Variants in KIF26B observed in about 807,000 individuals in gnomAD.
KIF26B encodes the protein kinesin-like protein KIF26B.
In KIF26B, 63 loss-of-function variants were observed where a neutral mutation model predicts 151.2. The ratio of observed to expected loss-of-function variants is 0.42; its 90% confidence interval spans 0.34 to 0.51. The LOEUF (loss-of-function observed/expected upper bound fraction) is 0.51, where lower values mean the gene tolerates loss of function less well. Ranked by LOEUF, KIF26B falls within the 20% of genes least tolerant of loss-of-function variation. KIF26B has a pLI of 0.07. For missense variants in KIF26B, 2,813 were observed against 2,913.6 expected, an observed-to-expected ratio of 0.97 and a Z score of 0.79; for synonymous variants, 1,357 against 1,262.1, an observed-to-expected ratio of 1.08 and a Z score of -1.59.
At chr1:245,568,658 C>T (rs1465493394) in intron 5 of KIF26B, among the ~76,000 whole-genome samples, 1 of 152,158 alleles carries the variant, frequency 6.6e-6, no homozygotes, top group Non-Finnish European at 1.5e-5. Flanking sequence ...TGGCCCTGGG[C>T]GTCACAGGGT....
chr1:245,654,721 A>G (rs993075072), intron 10 of KIF26B, among the ~76,000 whole-genome samples: 1 of 152,202 alleles, frequency 6.6e-6, no homozygotes, highest in Admixed American at 6.5e-5. Flanking sequence ...GTGGAGAACC[A>G]GACACTGGGC....
chr1:245,190,106 G>A (rs938941656), intron 2 of KIF26B, among the ~76,000 whole-genome samples: 12 of 151,872 alleles, frequency 7.9e-5, no homozygotes, highest in East Asian at 1.9e-4. Context: ...ATCAGATCTC[G>A]TGAGACTTAC....
At chr1:245,248,779 G>A (rs893154849) in intron 2 of KIF26B, among the ~76,000 whole-genome samples, 18 of 152,188 alleles carry the variant, frequency 1.2e-4, no homozygotes, top group African/African-American at 4.1e-4. Context: ...CAATATCTCT[G>A]ACATATATTC....
intron 14 of KIF26B, among the ~76,000 whole-genome samples, chr1:245,700,363 G>GTAAT (rs1438917398): frequency 6.6e-6 from 1 of 152,122 alleles, no homozygotes; most frequent in East Asian, 1.9e-4. Flanking sequence ...GGATCTGGTA[G>GTAAT]TAATTATTAC....
intron 2 of KIF26B, among the ~76,000 whole-genome samples, chr1:245,343,274 C>T (rs950426409): frequency 1.3e-5 from 2 of 151,906 alleles, no homozygotes. Context: ...AATGCATTTA[C>T]AGGAGGATCA....
At chr1:245,424,638 C>T (rs755748348) in intron 4 of KIF26B, among the ~76,000 whole-genome samples, 3 of 152,102 alleles carry the variant, frequency 2.0e-5, no homozygotes, top group African/African-American at 4.8e-5. Flanking sequence ...GGTCCACACA[C>T]GGTTACTGGT....
intron 2 of KIF26B, among the ~76,000 whole-genome samples, chr1:245,299,327 T>G (rs531719573): frequency 5.3e-5 from 8 of 149,980 alleles, no homozygotes; most frequent in East Asian, 1.9e-4. Flanking sequence ...TGGGTTTTTT[T>G]TTTTTTTTTT....
At chr1:245,638,199 A>T (rs1022943316) in intron 9 of KIF26B, among the ~76,000 whole-genome samples, 1 of 151,870 alleles carries the variant, frequency 6.6e-6, no homozygotes, top group African/African-American at 2.4e-5. Flanking sequence ...TTTCTTGTAG[A>T]GATCTTTCAC....
intron 2 of KIF26B, among the ~76,000 whole-genome samples, chr1:245,278,584 A>T (rs35294748): frequency 0.053 from 8,082 of 152,248 alleles, 253 homozygotes; most frequent in Middle Eastern, 0.088. Flanking sequence ...CATGCTTACT[A>T]AGTCTTAATT....
At chr1:245,664,865 C>G (rs1360557600) in intron 10 of KIF26B, among the ~76,000 whole-genome samples, 1 of 152,132 alleles carries the variant, frequency 6.6e-6, no homozygotes, top group Non-Finnish European at 1.5e-5. Context: ...TTCACATAAT[C>G]CAACTGCCTT....
chr1:245,407,065 GGT>G (rs1265014459), intron 3 of KIF26B, among the ~76,000 whole-genome samples: 4 of 152,178 alleles, frequency 2.6e-5, no homozygotes, highest in African/African-American at 9.7e-5. Flanking sequence ...TGGGATGACA[GGT>G]GTAAGCCACT....
At chr1:245,265,016 G>A (rs1157025105) in intron 2 of KIF26B, among the ~76,000 whole-genome samples, 164 of 150,514 alleles carry the variant, frequency 1.1e-3, no homozygotes, top group African/African-American at 3.5e-3. Context: ...TGGCTAACAC[G>A]GTGAAACCCC....
Position 245,244,746 on chromosome 1 carries a change from AC to A in KIF26B, c.465+88064del, listed in dbSNP as rs1558359590. On this transcript the variant is annotated intron_variant, in intron 2 of 14. Transcript: ENST00000407071. This position sits in a 1 kb window ranked among gnomAD's most constrained non-coding sequence, Gnocchi z 4.2. The stretch of plus-strand genomic sequence containing the variant: ...AACGTTTGTGAGAAGGAACACACAG[AC>A]ACGCACACTCACACACACACACACA... Among the ~76,000 whole-genome samples the A allele has an allele frequency of 8.7e-6, 1 of 114,330 alleles. No homozygotes were observed. Among genetic ancestry groups the A allele is most frequent in the Non-Finnish European group, 1.7e-5 (1 of 57,556 alleles). The allele number at this position is 114,330 out of a possible 152,430, so 75.0% of individuals were successfully genotyped here.
At chr1:245,634,144 A>G (rs2043809877) in intron 9 of KIF26B, among the ~76,000 whole-genome samples, 1 of 152,188 alleles carries the variant, frequency 6.6e-6, no homozygotes, top group Admixed American at 6.6e-5. Flanking sequence ...GTTTGTTACT[A>G]TGATAAAGAA....
chr1:245,332,409 C>T (rs1410341546), intron 2 of KIF26B, among the ~76,000 whole-genome samples: 2 of 152,196 alleles, frequency 1.3e-5, no homozygotes, highest in Non-Finnish European at 2.9e-5. Context: ...GTGTTCGCTC[C>T]CCAAATCTGG....
intron 2 of KIF26B, among the ~76,000 whole-genome samples, chr1:245,185,392 ATACTTAATGAAACCTGGT>A (rs1420550482): frequency 6.6e-6 from 1 of 152,098 alleles, no homozygotes; most frequent in African/African-American, 2.4e-5. Flanking sequence ...GGTGGCGGAG[ATACTTAATGAAACCTGGT>A]TCCAACCTTC....
In KIF26B at chr1:245,526,439, A is replaced by G. The variant is rs553231265; in HGVS notation, c.1167-14328A>G. 6.6e-5 allele frequency among the ~76,000 whole-genome samples: 10 copies of G among 152,350 alleles called. No individual in the cohort carries two copies. The South Asian group carries it at 1.2e-3, about 19-fold the overall frequency. ...TGCCCGACTTCTGTGTCTGGTACCT[A>G]TTTGTACAATGCAGAGGTCCCATGC... On this transcript the variant is annotated intron_variant, in intron 4 of 14. Coordinates refer to ENST00000407071, the MANE Select transcript of KIF26B (RefSeq NM_018012.4).
intron 5 of KIF26B, among the ~76,000 whole-genome samples, chr1:245,585,611 C>T (rs1189632910): frequency 6.6e-6 from 1 of 152,170 alleles, no homozygotes; most frequent in East Asian, 1.9e-4. Flanking sequence ...TAGAGGAGTG[C>T]AGCCTACATC....
intron 2 of KIF26B, among the ~76,000 whole-genome samples, chr1:245,328,986 A>T (rs1352653990): frequency 1.3e-5 from 2 of 152,086 alleles, no homozygotes; most frequent in Non-Finnish European, 2.9e-5. Context: ...TTTTTCTCTA[A>T]TTTTCTGTCA....
Sources: allele counts gnomAD v4.1 joint callset (sites outside exome capture counted in the v4.1 genomes callset), GRCh38; gene constraint gnomAD v4.1.1; non-coding constraint Gnocchi (gnomAD v3.1); transcripts MANE v1.5; gene names NCBI Gene and HGNC (gene_info 2026-07-23, HGNC 2026-07-21).